MAP1LC3A: variants seen among roughly 807,000 people sequenced by gnomAD.
MAP1LC3A encodes microtubule associated protein 1 light chain 3 alpha.
MAP1LC3A carries 10 observed loss-of-function variants against 15.2 expected under a neutral mutation model. The ratio of observed to expected loss-of-function variants is 0.66; its 90% CI spans 0.41 to 1.12. The LOEUF (loss-of-function observed/expected upper bound fraction) is 1.12. MAP1LC3A is among the 50% of genes most tolerant of loss of function. The pLI, the probability that MAP1LC3A is intolerant of heterozygous loss-of-function variation, is 0.00. For synonymous variants in MAP1LC3A, 63 were observed against 64.3 expected (o/e 0.98, Z 0.10); for missense variants, 138 against 167.3 (o/e 0.82, Z 0.97).
chr20:34,558,523 G>C (rs533680178), upstream of MAP1LC3A: 2 of 1,088,524 alleles, frequency 1.8e-6, no homozygotes, highest in Non-Finnish European at 1.1e-6. This position sits in a 1 kb window ranked among gnomAD's most constrained non-coding sequence, Gnocchi z 4.3. Context: ...TTCGGGCTGC[G>C]GGAGAAGCTC....
upstream of MAP1LC3A, among the ~76,000 whole-genome samples, chr20:34,556,385 C>T (rs1982159425): frequency 1.3e-5 from 2 of 152,082 alleles, no homozygotes; most frequent in South Asian, 4.1e-4. Flanking sequence ...GTGTTGGTCT[C>T]ACACAGGTCT....
chr20:34,548,206 C>T (rs1362110724), intron 1 of MAP1LC3A, among the ~76,000 whole-genome samples: 2 of 152,158 alleles, frequency 1.3e-5, no homozygotes, highest in East Asian at 1.9e-4. Flanking sequence ...GTGTTGAGTT[C>T]GGAGGCAGCC....
At position 34,559,830 on chromosome 20, in the gene MAP1LC3A, G is replaced by C. The variant is rs764893128; in HGVS notation, c.298G>C (p.Glu100Gln). The C allele has an allele frequency of 6.2e-7, 1 of 1,614,018 alleles. No individual in the cohort carries two copies. The highest frequency in any genetic ancestry group is 8.5e-7 in the Non-Finnish European group (1 of 1,180,010). The part of the protein sequence containing the change: ...SVSTPIADIY[E>Q]QEKDEDGFLY... ...GTCCACGCCCATCGCGGACATCTAC[G>C]AGCAGGAGAAAGACGAGGACGGCTT... Residue 100 changes from glutamate (E) to glutamine (Q), a missense_variant, in exon 4 of 4, where the codon GAG (glutamate) becomes CAG (glutamine). By Grantham distance (29) the Glu-to-Gln change is conservative. Coordinates refer to ENST00000360668, the MANE Select transcript of MAP1LC3A (RefSeq NM_032514.4).
upstream of MAP1LC3A, among the ~76,000 whole-genome samples, chr20:34,556,133 C>T (rs146577534): frequency 2.6e-3 from 401 of 152,304 alleles, 20 homozygotes; most frequent in East Asian, 0.074. Context: ...TGAGCCACTG[C>T]GCCCGGCCAC....
At chr20:34,547,561 T>C (rs1045570173) in intron 1 of MAP1LC3A, among the ~76,000 whole-genome samples, 4 of 151,844 alleles carry the variant, frequency 2.6e-5, no homozygotes, top group Non-Finnish European at 4.4e-5. Flanking sequence ...GTGGAGGTGA[T>C]TGAATCATGG....
At chr20:34,559,075 AGG>A in intron 1 of MAP1LC3A, 131 bp from the exon 2 acceptor site, 1 of 1,337,922 alleles carries the variant, frequency 7.5e-7, no homozygotes, top group Non-Finnish European at 9.6e-7. Flanking sequence ...GATAGGTGCC[AGG>A]GGCTGTGGGG....
intron 3 of MAP1LC3A, 41 bp downstream of exon 3, chr20:34,559,494 A>T: frequency 6.4e-7 from 1 of 1,551,316 alleles, no homozygotes; most frequent in South Asian, 1.1e-5. Flanking sequence ...TAGGGTCGGG[A>T]GGGGAGCCGG....
upstream of MAP1LC3A, chr20:34,558,424 G>A: frequency 2.0e-6 from 2 of 993,844 alleles, no homozygotes; most frequent in African/African-American, 1.7e-5. This position sits in a 1 kb window ranked among gnomAD's most constrained non-coding sequence, Gnocchi z 4.3. Context: ...ACTCGGTGAG[G>A]GCGGGAAGTG....
Position 34,558,809 on chromosome 20 carries a change from A to C in MAP1LC3A, c.-60A>C. The C allele has an allele frequency of 7.2e-7, 1 of 1,395,816 alleles. No individual in the cohort carries two copies. Among genetic ancestry groups the C allele is most frequent in the Non-Finnish European group, 9.2e-7 (1 of 1,082,412 alleles). 86.5% of individuals were successfully genotyped at this position (1,395,816 alleles called of 1,614,324 possible). A position where few individuals can be genotyped will look rare whatever the true frequency, so the allele number is the denominator to read the frequency against. On this transcript the variant is annotated 5_prime_UTR_variant, in exon 1 of 4. Transcript: ENST00000360668. This position sits in a 1 kb window ranked among gnomAD's most constrained non-coding sequence, Gnocchi z 4.3. ...GGCGCGGAGCCCCCGGAGCCCCCAA[A>C]CCGCAGACACATCCCCGCGCCCCAG...
At chr20:34,559,286 TGCCCC>T (rs1982318690) in intron 2 of MAP1LC3A, 23 bp downstream of exon 2, 1 of 1,336,202 alleles carries the variant, frequency 7.5e-7, no homozygotes, top group Non-Finnish European at 1.0e-6. Context: ...CCCCCAGCCC[TGCCCC>T]GCCCCCGCCT....
Position 34,560,093 on chromosome 20 carries a change from C to G in MAP1LC3A, c.*195C>G. On this transcript the variant is annotated 3_prime_UTR_variant, in exon 4 of 4. Transcript: ENST00000360668. ...GGCCGGTCGTGTTAGGGTTGTCCCT[C>G]TGGGTGCTGGCTGGTGGGATGGGGG... The G allele has an allele frequency of 1.2e-5, 4 of 347,170 alleles. No homozygotes were observed. The highest frequency in any genetic ancestry group is 2.2e-5 in the Non-Finnish European group (4 of 184,980). 21.5% of individuals were successfully genotyped at this position (347,170 alleles called of 1,614,324 possible). A position where few individuals can be genotyped will look rare whatever the true frequency, so the allele number is the denominator to read the frequency against.
In MAP1LC3A at chr20:34,558,899, C is replaced by A; in HGVS notation, c.31C>A (p.Arg11=). The change falls in exon 1 of 4, where the codon CGG becomes AGG. Residue 11 remains arginine (R), a synonymous_variant. Transcript: ENST00000360668. This position sits in a 1 kb window ranked among gnomAD's most constrained non-coding sequence, Gnocchi z 4.3. ...CTCAGACCGGCCTTTCAAGCAGCGG[C>A]GGAGCTTCGGTGAGGCCCGGCAGGC... MPSDRPFKQR[R]SFADRCKEVQ... is the part of the protein sequence containing the mutation. 1.4e-6 allele frequency: 2 copies of A among 1,417,106 alleles called. No individual in the cohort carries two copies. The highest frequency in any genetic ancestry group is 1.8e-6 in the Non-Finnish European group (2 of 1,090,288). 87.8% of individuals were successfully genotyped at this position (1,417,106 alleles called of 1,614,324 possible).
chr20:34,550,945 G>C (rs1981924143), intron 2 of MAP1LC3A, among the ~76,000 whole-genome samples: 1 of 152,092 alleles, frequency 6.6e-6, no homozygotes, highest in Non-Finnish European at 1.5e-5. Flanking sequence ...GAACCTACTT[G>C]ATAGTTTAAA....
At chr20:34,551,496 T>C (rs1433908095) in intron 2 of MAP1LC3A, among the ~76,000 whole-genome samples, 31 of 143,122 alleles carry the variant, frequency 2.2e-4, no homozygotes, top group South Asian at 4.5e-4. Flanking sequence ...TTTTGAGTCT[T>C]GCTGTGTTGC....
chr20:34,549,842 C>G, intron 1 of MAP1LC3A: 1 of 694,494 alleles, frequency 1.4e-6, no homozygotes. Context: ...TCTTCAATCT[C>G]GTCCAGAGTC....
chr20:34,551,099 A>AG (rs903164200), intron 2 of MAP1LC3A, among the ~76,000 whole-genome samples: 1 of 152,070 alleles, frequency 6.6e-6, no homozygotes, highest in African/African-American at 2.4e-5. Context: ...TACAAAAAAA[A>AG]AAATTAGCCA....
At position 34,558,728 on chromosome 20, in the gene MAP1LC3A, C is replaced by G; in HGVS notation, c.-141C>G. 3.1e-6 allele frequency: 4 copies of G among 1,296,726 alleles called. No individual in the cohort carries two copies. Among genetic ancestry groups the G allele is most frequent in the Non-Finnish European group, 3.9e-6 (4 of 1,026,034 alleles). 80.3% of individuals were successfully genotyped at this position (1,296,726 alleles called of 1,614,324 possible). A position where few individuals can be genotyped will look rare whatever the true frequency, so the allele number is the denominator to read the frequency against. The stretch of plus-strand genomic sequence containing the variant: ...TGACCTGACGTCACCGGGCGAGTTA[C>G]CTCCCGCAGCCGCAGCCGCCGTGCT... On this transcript the variant is annotated 5_prime_UTR_variant, in exon 1 of 4. Transcript: ENST00000360668. The surrounding 1 kb of genome is among the most constrained non-coding windows in gnomAD (Gnocchi z 4.3).
At chr20:34,553,879 A>G (rs1196380119), upstream of MAP1LC3A, among the ~76,000 whole-genome samples, 2 of 152,238 alleles carry the variant, frequency 1.3e-5, no homozygotes, top group Non-Finnish European at 2.9e-5. Flanking sequence ...AAGCTATTGA[A>G]TAAGACATTT....
chr20:34,550,063 G>A, intron 2 of MAP1LC3A: 2 of 1,605,772 alleles, frequency 1.2e-6, no homozygotes, highest in Non-Finnish European at 1.7e-6. Context: ...GTGTGAAGGA[G>A]CTCAGGGCCT....
Sources: allele counts gnomAD v4.1 joint callset (sites outside exome capture counted in the v4.1 genomes callset), GRCh38; gene constraint gnomAD v4.1.1; non-coding constraint Gnocchi (gnomAD v3.1); transcripts MANE v1.5; gene names NCBI Gene and HGNC (gene_info 2026-07-23, HGNC 2026-07-21).